Variants in SNTG1 observed in about 807,000 individuals in gnomAD.
SNTG1 encodes gamma-1-syntrophin.
SNTG1 carries 39 observed loss-of-function variants against 74.7 expected under a neutral mutation model. The observed-to-expected ratio is 0.52, with a 90% confidence interval of 0.40 to 0.68. SNTG1 has a LOEUF of 0.68. SNTG1 is among the 30% of genes least tolerant of loss of function. SNTG1 has a pLI of 0.00. For synonymous variants in SNTG1, 254 were observed against 217.1 expected (o/e 1.17, Z -1.49); for missense variants, 685 against 609.5 (o/e 1.12, Z -1.30).
At chr8:50,283,917 T>C (rs1275450761) in intron 2 of SNTG1, among the ~76,000 whole-genome samples, 3 of 152,186 alleles carry the variant, frequency 2.0e-5, no homozygotes, top group Non-Finnish European at 4.4e-5. Flanking sequence ...TCGTTTATGA[T>C]TAACATAGTA....
At chr8:50,336,674 T>C (rs1456181761) in intron 2 of SNTG1, among the ~76,000 whole-genome samples, 7 of 152,200 alleles carry the variant, frequency 4.6e-5, no homozygotes, top group Non-Finnish European at 1.0e-4. Context: ...ACTATGTTTG[T>C]TTGTTTGAAG....
chr8:50,356,885 T>C (rs2091830988), intron 2 of SNTG1, among the ~76,000 whole-genome samples: 1 of 152,232 alleles, frequency 6.6e-6, no homozygotes, highest in African/African-American at 2.4e-5. Context: ...TGTACAGTGC[T>C]GGACTCACTG....
At chr8:50,209,030 C>T (rs969285890) in intron 2 of SNTG1, among the ~76,000 whole-genome samples, 3 of 152,106 alleles carry the variant, frequency 2.0e-5, no homozygotes, top group Admixed American at 6.6e-5. Flanking sequence ...TACATTCCCA[C>T]CACTTTTCCA....
chr8:50,276,908 G>A (rs1049312388), intron 2 of SNTG1, among the ~76,000 whole-genome samples: 9 of 151,986 alleles, frequency 5.9e-5, no homozygotes, highest in Admixed American at 5.2e-4. Context: ...CATGATCTTG[G>A]CTCACTGCAA....
intron 1 of SNTG1, among the ~76,000 whole-genome samples, chr8:50,075,589 G>T (rs1223699976): frequency 6.6e-6 from 1 of 152,192 alleles, no homozygotes; most frequent in Non-Finnish European, 1.5e-5. Flanking sequence ...ATAAAAGCAG[G>T]CTGCCAGAGC....
At chr8:50,238,840 A>G (rs951979835) in intron 2 of SNTG1, among the ~76,000 whole-genome samples, 1 of 152,226 alleles carries the variant, frequency 6.6e-6, no homozygotes, top group Admixed American at 6.5e-5. Context: ...ATGTTCATAG[A>G]CAGACACTTC....
intron 13 of SNTG1, among the ~76,000 whole-genome samples, chr8:50,655,720 GT>G (rs2095176049): frequency 1.3e-5 from 2 of 152,076 alleles, no homozygotes; most frequent in Admixed American, 6.6e-5. Flanking sequence ...GTAGACGACA[GT>G]AATATTTCAA....
At chr8:50,442,414 T>C (rs1419183309) in intron 5 of SNTG1, among the ~76,000 whole-genome samples, 1 of 151,948 alleles carries the variant, frequency 6.6e-6, no homozygotes, top group Non-Finnish European at 1.5e-5. Context: ...CATGCCTCCT[T>C]CCTCTCTTAT....
At chr8:50,399,495 T>A (rs1445052485) in intron 3 of SNTG1, among the ~76,000 whole-genome samples, 1 of 152,198 alleles carries the variant, frequency 6.6e-6, no homozygotes, top group Non-Finnish European at 1.5e-5. Flanking sequence ...ACCAAAAGTA[T>A]ATCTCTGGGC....
intron 1 of SNTG1, among the ~76,000 whole-genome samples, chr8:49,929,428 G>A (rs1807348107): frequency 6.6e-6 from 1 of 152,222 alleles, no homozygotes; most frequent in African/African-American, 2.4e-5. Context: ...CCTGATTTAG[G>A]ATTGATTATG....
Position 50,394,215 on chromosome 8 carries a change from A to G in SNTG1, c.-24A>G. On this transcript the variant is annotated 5_prime_UTR_variant, in exon 3 of 19. Coordinates refer to ENST00000642720, the MANE Select transcript of SNTG1 (RefSeq NM_018967.5). ...TACCATTTCTGTGTCTTTTCAGACG[A>G]CATCCTTTGTGGTGCCACAGCACAT... 6.2e-7 allele frequency: 1 copy of G among 1,612,836 alleles called. No homozygotes were observed. The highest frequency in any genetic ancestry group is 8.5e-7 in the Non-Finnish European group (1 of 1,179,248).
At chr8:50,368,207 A>G (rs1171752156) in intron 2 of SNTG1, among the ~76,000 whole-genome samples, 1 of 152,086 alleles carries the variant, frequency 6.6e-6, no homozygotes, top group African/African-American at 2.4e-5. Flanking sequence ...TGGAGGAAAA[A>G]TGGTTCTTGT....
rs148977505 is a variant in SNTG1 at position 50,610,882 on chromosome 8, G to A, written c.849+19965G>A. On this transcript the variant is annotated intron_variant, in intron 13 of 18. Coordinates refer to ENST00000642720, the MANE Select transcript of SNTG1 (RefSeq NM_018967.5). The stretch of plus-strand genomic sequence containing the variant: ...CTATGAAGTTCCCAAATCATTGTTC[G>A]TGACTGTTTATTTTTCAGCTTTATA... Among the ~76,000 whole-genome samples, 218 of 152,066 alleles carry A rather than the reference G, an allele frequency of 1.4e-3. 4 individuals are homozygous for A. In the East Asian group the frequency reaches 0.036, roughly 25 times the overall value.
rs1002768297 is a variant in SNTG1 at position 50,095,172 on chromosome 8, G to A, written c.-102-77389G>A. ...TCTACTTCAGGGTGGAAAGTGGGAG[G>A]ACAGTGAGGGTTGAAAAACTGCTTG... is the stretch of plus-strand genomic sequence containing the variant. On this transcript the variant is annotated intron_variant, in intron 1 of 18. Transcript: ENST00000642720. 2.6e-5 allele frequency among the ~76,000 whole-genome samples: 4 copies of A among 151,816 alleles called. No individual in the cohort carries two copies. The East Asian group carries it at 7.7e-4, about 29-fold the overall frequency.
At chr8:50,782,053 A>C (rs1194042706) in intron 18 of SNTG1, among the ~76,000 whole-genome samples, 1 of 152,150 alleles carries the variant, frequency 6.6e-6, no homozygotes, top group Non-Finnish European at 1.5e-5. Context: ...TCTGGCTTTT[A>C]CAGTTTCTGC....
chr8:50,695,582 T>C (rs953654824), intron 15 of SNTG1, among the ~76,000 whole-genome samples: 1 of 151,772 alleles, frequency 6.6e-6, no homozygotes, highest in Non-Finnish European at 1.5e-5. Flanking sequence ...CTAGTGCGCC[T>C]ATTACCCAAA....
intron 1 of SNTG1, among the ~76,000 whole-genome samples, chr8:50,071,954 A>G (rs1309101458): frequency 2.6e-5 from 4 of 152,212 alleles, no homozygotes; most frequent in Admixed American, 6.5e-5. Flanking sequence ...CTTTTCCATT[A>G]AAGAATACTA....
At chr8:50,639,511 C>T (rs1392040436) in intron 13 of SNTG1, among the ~76,000 whole-genome samples, 2 of 151,830 alleles carry the variant, frequency 1.3e-5, no homozygotes, top group Non-Finnish European at 2.9e-5. Context: ...GACTTTATTG[C>T]TTCCATATTA....
chr8:49,967,472 C>T (rs2891844), intron 1 of SNTG1, among the ~76,000 whole-genome samples: 1,831 of 152,230 alleles, frequency 0.012, 23 homozygotes, highest in Middle Eastern at 0.02. Context: ...ATTGCACATA[C>T]GTGGTGATGC....
Sources: gnomAD v4.1 joint callset for allele counts (sites outside exome capture counted in the v4.1 genomes callset) on GRCh38, gnomAD v4.1.1 for gene constraint, MANE v1.5 for transcripts, NCBI Gene and HGNC (gene_info 2026-07-23, HGNC 2026-07-21) for gene names.